WDPCP: variants seen among roughly 807,000 people sequenced by gnomAD.
The protein encoded by WDPCP is WD repeat containing planar cell polarity effector.
Under a neutral mutation model 93.1 loss-of-function variants are expected in WDPCP, and 71 were observed. The ratio of observed to expected loss-of-function variants is 0.76; its 90% CI spans 0.63 to 0.93. The LOEUF (loss-of-function observed/expected upper bound fraction) is 0.93. WDPCP is among the 40% of genes least tolerant of loss of function. The pLI is 0.00. For synonymous variants in WDPCP, 315 were observed against 315.0 expected, an observed-to-expected ratio of 1.00 and a Z score of 0.00; for missense variants, 844 against 887.4, an observed-to-expected ratio of 0.95 and a Z score of 0.62.
At chr2:63,215,264 A>G (rs937228129) in intron 14 of WDPCP, among the ~76,000 whole-genome samples, 12 of 152,296 alleles carry the variant, frequency 7.9e-5, no homozygotes, top group Middle Eastern at 6.8e-3. Flanking sequence ...ATATAGACCA[A>G]TGGATCAGAA....
At chr2:63,348,520 C>CT (rs1254634519) in intron 12 of WDPCP, among the ~76,000 whole-genome samples, 2 of 152,040 alleles carry the variant, frequency 1.3e-5, no homozygotes, top group Admixed American at 6.6e-5. Context: ...ATTTCTAAGA[C>CT]TTTTTTCTGA....
intron 2 of WDPCP, among the ~76,000 whole-genome samples, chr2:63,709,401 C>T (rs1038078639): frequency 1.8e-4 from 28 of 152,134 alleles, no homozygotes; most frequent in African/African-American, 3.4e-4. Flanking sequence ...GTGGTATTAT[C>T]ATATTTGACA....
At chr2:63,739,194 T>G (rs909307561) in intron 2 of WDPCP, among the ~76,000 whole-genome samples, 1 of 152,114 alleles carries the variant, frequency 6.6e-6, no homozygotes, top group Admixed American at 6.6e-5. Flanking sequence ...CCACCTCAAG[T>G]AGACCCCAGT....
chr2:63,747,752 G>T (rs200465746), intron 2 of WDPCP, among the ~76,000 whole-genome samples: 4 of 151,696 alleles, frequency 2.6e-5, no homozygotes, highest in African/African-American at 9.7e-5. Context: ...GGCTATTTTT[G>T]GTCCTTTGTT....
intron 6 of WDPCP, among the ~76,000 whole-genome samples, chr2:63,450,927 G>A (rs570537785): frequency 3.3e-5 from 5 of 152,084 alleles, no homozygotes; most frequent in South Asian, 4.2e-4. Context: ...GTAAGAGCAC[G>A]GGAAGTATGA....
chr2:63,313,376 T>A (rs567950760), intron 12 of WDPCP, 65 bp from the exon 13 acceptor site: 2 of 1,451,418 alleles, frequency 1.4e-6, no homozygotes, highest in Admixed American at 3.6e-5. Context: ...AAGAGCTGTT[T>A]ATTTAACATA....
At chr2:63,582,516 C>G (rs1708562072) in intron 1 of WDPCP, among the ~76,000 whole-genome samples, 1 of 151,988 alleles carries the variant, frequency 6.6e-6, no homozygotes, top group African/African-American at 2.4e-5. Flanking sequence ...GAAACAAGGT[C>G]AAAATTTCCC....
At chr2:63,369,217 G>A in intron 12 of WDPCP, 1 of 324,434 alleles carries the variant, frequency 3.1e-6, no homozygotes, top group Non-Finnish European at 6.1e-6. Context: ...AATTTCTGCT[G>A]GTACTATAAT....
chr2:63,523,511 A>T (rs1040358062), intron 1 of WDPCP, among the ~76,000 whole-genome samples: 3 of 152,184 alleles, frequency 2.0e-5, no homozygotes, highest in African/African-American at 7.2e-5. Flanking sequence ...AGGAAGTCAA[A>T]ATATTCCTGT....
At position 63,424,370 on chromosome 2, in the gene WDPCP, G is replaced by A. The variant is rs555590306; in HGVS notation, c.825+9375C>T. Among the ~76,000 whole-genome samples the A allele has an allele frequency of 3.3e-5, 5 of 152,176 alleles. No individual in the cohort carries two copies. The South Asian group carries it at 6.2e-4, about 19-fold the overall frequency. ...TAGTTCTATCCCCCAACTGACCACT[G>A]AGCCAGGAGAGAAGAGGACTGTCTT... is the stretch of plus-strand genomic sequence containing the variant. On this transcript the variant is annotated intron_variant, in intron 9 of 17. Coordinates refer to ENST00000272321, the MANE Select transcript of WDPCP (RefSeq NM_015910.7).
chr2:63,499,702 GAC>G (rs1387295228), intron 1 of WDPCP, among the ~76,000 whole-genome samples: 6 of 152,186 alleles, frequency 3.9e-5, no homozygotes, highest in Admixed American at 3.9e-4. Flanking sequence ...ATTTGTAAGA[GAC>G]AGTGTAAGGG....
chr2:63,834,906 G>T, the WDPCP span, among the ~76,000 whole-genome samples: 1 of 152,142 alleles, frequency 6.6e-6, no homozygotes, highest in Non-Finnish European at 1.5e-5. Context: ...GGCATCCAAA[G>T]TAGTTTTGGT....
intron 6 of WDPCP, among the ~76,000 whole-genome samples, chr2:63,450,207 G>T (rs539006412): frequency 1.3e-5 from 2 of 152,262 alleles, no homozygotes; most frequent in South Asian, 4.1e-4. Context: ...TGAGCTGGAG[G>T]GCTGCCTGTC....
At chr2:63,570,851 CTG>C (rs1707438517) in intron 1 of WDPCP, among the ~76,000 whole-genome samples, 3 of 152,118 alleles carry the variant, frequency 2.0e-5, no homozygotes, top group Admixed American at 2.0e-4. Flanking sequence ...GTTAGACACA[CTG>C]TGTTCAAATC....
At chr2:63,555,917 G>T (rs561040813) in intron 1 of WDPCP, among the ~76,000 whole-genome samples, 4 of 152,278 alleles carry the variant, frequency 2.6e-5, no homozygotes, top group Non-Finnish European at 4.4e-5. Flanking sequence ...TGAAAAAAAT[G>T]CTGAAAAATA....
intron 17 of WDPCP, among the ~76,000 whole-genome samples, chr2:63,149,395 A>C (rs1671747633): frequency 6.6e-6 from 1 of 152,194 alleles, no homozygotes; most frequent in Non-Finnish European, 1.5e-5. Flanking sequence ...GAGAAATGGA[A>C]ACTCTTATAC....
intron 2 of WDPCP, among the ~76,000 whole-genome samples, chr2:63,690,280 G>A (rs142235620): frequency 1.3e-5 from 2 of 152,170 alleles, no homozygotes; most frequent in Non-Finnish European, 2.9e-5. Flanking sequence ...AGCTGGAAAG[G>A]CTAATTATCA....
intron 13 of WDPCP, among the ~76,000 whole-genome samples, chr2:63,291,900 G>A (rs1393724613): frequency 1.3e-5 from 2 of 151,824 alleles, no homozygotes; most frequent in African/African-American, 2.4e-5. Flanking sequence ...TTGGGAGGCC[G>A]AGGAGGGCGG....
intron 13 of WDPCP, among the ~76,000 whole-genome samples, chr2:63,302,531 G>C (rs753703029): frequency 1.3e-5 from 2 of 152,134 alleles, no homozygotes; most frequent in Non-Finnish European, 2.9e-5. Flanking sequence ...TTGGCTTAGA[G>C]TTGAGCTAGG....
Sources: gnomAD v4.1 joint callset for allele counts (sites outside exome capture counted in the v4.1 genomes callset) on GRCh38, gnomAD v4.1.1 for gene constraint, MANE v1.5 for transcripts, NCBI Gene and HGNC (gene_info 2026-07-23, HGNC 2026-07-21) for gene names.